Variants in RTN4 observed in about 807,000 individuals in gnomAD.
RTN4 encodes reticulon-4.
Under a neutral mutation model 90.4 loss-of-function variants are expected in RTN4, and 32 were observed. That is an observed-to-expected ratio of 0.35 (90% CI 0.27 to 0.48). The LOEUF (loss-of-function observed/expected upper bound fraction) is 0.48. Among genes scored for constraint, RTN4 ranks in the 20% least tolerant of loss-of-function variants. The pLI is 0.99. For missense variants in RTN4, 1,706 were observed against 1,430.2 expected, an observed-to-expected ratio of 1.19 and a Z score of -3.11; for synonymous variants, 629 against 552.5, an observed-to-expected ratio of 1.14 and a Z score of -1.94.
At chr2:55,086,497 C>CA (rs36045085) in intron 1 of RTN4, among the ~76,000 whole-genome samples, 2,560 of 146,762 alleles carry the variant, frequency 0.017, 34 homozygotes, top group Non-Finnish European at 0.025. Flanking sequence ...CTAATCTCTA[C>CA]AAAAAAAAAA....
At position 54,973,213 on chromosome 2, in the gene RTN4, G is replaced by C. The variant is rs200207415; in HGVS notation, c.3537-15C>G. 1.3e-6 allele frequency: 2 copies of C among 1,598,146 alleles called. No homozygotes were observed. The highest frequency in any genetic ancestry group is 1.7e-6 in the Non-Finnish European group (2 of 1,167,188). On this transcript the variant is annotated splice_polypyrimidine_tract_variant and intron_variant, in intron 8 of 8. Transcript: ENST00000337526. ...TTGCTTGGATTCTGAAAATGAAAAA[G>C]TCAATGTAAATATCAGTTTTGTTTG...
intron 6 of RTN4, 62 bp from the exon 7 acceptor site, chr2:54,973,929 C>A: frequency 7.1e-7 from 1 of 1,411,066 alleles, no homozygotes; most frequent in Non-Finnish European, 9.9e-7. Context: ...AATAAACACT[C>A]AAAAAACTAT....
Position 55,026,702 on chromosome 2 carries a change from G to C in RTN4, c.1397C>G (p.Pro466Arg). The C allele has an allele frequency of 6.2e-7, 1 of 1,613,772 alleles. No individual in the cohort carries two copies. The highest frequency in any genetic ancestry group is 8.5e-7 in the Non-Finnish European group (1 of 1,179,878). Residue 466 changes from proline to arginine, a missense_variant, in exon 3 of 9, where the codon CCC (proline) becomes CGC (arginine). Physicochemically the swap from Pro to Arg is moderately radical, Grantham distance 103 (BLOSUM62 -2). Coordinates refer to ENST00000337526, the MANE Select transcript of RTN4 (RefSeq NM_020532.5). ...GCTCTCAGTTGCTGCTGGGTTAAAG[G>C]GAGCACATGTGATATATGCTCCTGA... ...DRSGAYITCA[P>R]FNPAATESIA... is the part of the protein sequence containing the mutation.
intron 2 of RTN4, among the ~76,000 whole-genome samples, chr2:55,057,770 G>C (rs976826838): frequency 6.6e-6 from 1 of 152,260 alleles, no homozygotes; most frequent in Non-Finnish European, 1.5e-5. Context: ...GCTTGCTTGA[G>C]GCCAGTAGTT....
chr2:55,013,662 A>G (rs962450353), intron 3 of RTN4, among the ~76,000 whole-genome samples: 1 of 151,326 alleles, frequency 6.6e-6, no homozygotes, highest in Non-Finnish European at 1.5e-5. Flanking sequence ...GATTTCAGAC[A>G]GTAGAAAGTT....
At chr2:55,009,285 T>C (rs1573369607) in intron 3 of RTN4, among the ~76,000 whole-genome samples, 1 of 152,188 alleles carries the variant, frequency 6.6e-6, no homozygotes, top group African/African-American at 2.4e-5. Context: ...TAATTTATTA[T>C]AAGTGGTCAG....
chr2:55,020,058 C>A (rs976431040), intron 3 of RTN4, among the ~76,000 whole-genome samples: 1 of 151,974 alleles, frequency 6.6e-6, no homozygotes, highest in African/African-American at 2.4e-5. Flanking sequence ...AGGATACAAA[C>A]AAATGCAAAG....
At chr2:55,117,584 C>T (rs1391086003), upstream of RTN4, among the ~76,000 whole-genome samples, 3 of 152,180 alleles carry the variant, frequency 2.0e-5, no homozygotes, top group Non-Finnish European at 4.4e-5. Context: ...TGGATCTAAA[C>T]AATGAGAGGG....
At position 54,994,290 on chromosome 2, in the gene RTN4, A is replaced by T. The variant is rs1679245794; in HGVS notation, c.3014-6592T>A. Reference sequence around the variant, plus strand: ...AGACATCACAAGAAAGGAAAACTACAGATAAATATCCCTTATGAATATAGA... The same window carrying T: ...AGACATCACAAGAAAGGAAAACTACTGATAAATATCCCTTATGAATATAGA... On this transcript the variant is annotated intron_variant, in intron 3 of 8. Coordinates refer to ENST00000337526, the MANE Select transcript of RTN4 (RefSeq NM_020532.5). 2.0e-5 allele frequency among the ~76,000 whole-genome samples: 3 copies of T among 152,350 alleles called. No individual in the cohort carries two copies. The South Asian group carries it at 6.2e-4, about 32-fold the overall frequency.
At chr2:55,048,368 CCTT>C (rs1316432879) in intron 1 of RTN4, among the ~76,000 whole-genome samples, 3 of 152,156 alleles carry the variant, frequency 2.0e-5, no homozygotes, top group Non-Finnish European at 4.4e-5. Context: ...AATAAATCAA[CCTT>C]AGCTTACTGT....
chr2:55,049,511 A>G (rs892440184), intron 1 of RTN4: 1 of 620,434 alleles, frequency 1.6e-6, no homozygotes, highest in Non-Finnish European at 2.9e-6. Flanking sequence ...GGGAGCCGGG[A>G]GCGGTGCACG....
chr2:55,068,932 A>C (rs1228194785), intron 2 of RTN4, among the ~76,000 whole-genome samples: 2 of 152,270 alleles, frequency 1.3e-5, no homozygotes. Flanking sequence ...TGAAGAACAC[A>C]AAGACAATTA....
At chr2:55,031,593 TG>T (rs1682321161) in intron 1 of RTN4, among the ~76,000 whole-genome samples, 1 of 152,230 alleles carries the variant, frequency 6.6e-6, no homozygotes, top group African/African-American at 2.4e-5. Flanking sequence ...GCTGAAGACC[TG>T]ATCTAAAAAT....
At chr2:55,007,337 C>T (rs1373400785) in intron 3 of RTN4, among the ~76,000 whole-genome samples, 1 of 152,100 alleles carries the variant, frequency 6.6e-6, no homozygotes, top group Non-Finnish European at 1.5e-5. Context: ...GTTATTCTCC[C>T]CCAGTTGATC....
intron 5 of RTN4, among the ~76,000 whole-genome samples, chr2:54,975,415 G>A (rs1677541267): frequency 6.6e-6 from 1 of 152,150 alleles, no homozygotes; most frequent in South Asian, 2.1e-4. Flanking sequence ...CAGCTACAGT[G>A]ATTATTTAGG....
intron 1 of RTN4, among the ~76,000 whole-genome samples, chr2:55,086,396 C>T (rs1668838456): frequency 2.6e-5 from 4 of 151,910 alleles, no homozygotes; most frequent in Admixed American, 2.0e-4. Context: ...TGCAGTGGCT[C>T]GCACCTGTAA....
At chr2:55,028,660 C>T (rs115912454) in intron 1 of RTN4, among the ~76,000 whole-genome samples, 3,408 of 152,162 alleles carry the variant, frequency 0.022, 71 homozygotes, top group South Asian at 0.035. Flanking sequence ...GGCATATATT[C>T]AATTTAAAGA....
At chr2:55,123,647 CTTA>C in the RTN4 span, among the ~76,000 whole-genome samples, 2 of 151,734 alleles carry the variant, frequency 1.3e-5, no homozygotes, top group East Asian at 3.9e-4. Context: ...ATAATTATCA[CTTA>C]TTATATTATA....
At chr2:55,005,948 T>C (rs1215030338) in intron 3 of RTN4, among the ~76,000 whole-genome samples, 2 of 152,208 alleles carry the variant, frequency 1.3e-5, no homozygotes, top group Non-Finnish European at 2.9e-5. Context: ...TGGAGCATTT[T>C]GGCTTTTAGA....
Sources: allele counts gnomAD v4.1 joint callset (sites outside exome capture counted in the v4.1 genomes callset), GRCh38; gene constraint gnomAD v4.1.1; transcripts MANE v1.5; gene names NCBI Gene and HGNC (gene_info 2026-07-23, HGNC 2026-07-21).